Variants in PRORP observed in about 807,000 individuals in gnomAD.
PRORP encodes mitochondrial ribonuclease P catalytic subunit.
In PRORP, 51 loss-of-function variants were observed where a neutral mutation model predicts 59.4. That is an observed-to-expected ratio of 0.86 (90% CI 0.69 to 1.08). The LOEUF is 1.08. PRORP is among the 50% of genes least tolerant of loss of function. The pLI is 0.00. For missense variants in PRORP, 646 were observed against 690.3 expected, an observed-to-expected ratio of 0.94 and a Z score of 0.72; for synonymous variants, 231 against 245.6, an observed-to-expected ratio of 0.94 and a Z score of 0.55.
At chr14:35,237,880 T>G (rs1217367941) in intron 5 of PRORP, among the ~76,000 whole-genome samples, 1 of 151,714 alleles carries the variant, frequency 6.6e-6, no homozygotes, top group Non-Finnish European at 1.5e-5. Context: ...GGTCTTGATC[T>G]CCTGACCTTG....
intron 5 of PRORP, among the ~76,000 whole-genome samples, chr14:35,189,441 T>C (rs923725826): frequency 7.2e-5 from 11 of 152,000 alleles, no homozygotes; most frequent in African/African-American, 2.7e-4. Context: ...TTTTTTTTTT[T>C]TTTTTTAAAG....
chr14:35,181,028 T>G (rs1247445597), intron 5 of PRORP, among the ~76,000 whole-genome samples: 1 of 152,172 alleles, frequency 6.6e-6, no homozygotes, highest in African/African-American at 2.4e-5. Context: ...AGGGCCAGAT[T>G]TTCCCGTTTC....
intron 5 of PRORP, among the ~76,000 whole-genome samples, chr14:35,185,124 A>G (rs1211820294): frequency 2.0e-5 from 3 of 152,126 alleles, no homozygotes; most frequent in Admixed American, 1.3e-4. Flanking sequence ...GGTTAAACTC[A>G]TTTACACTCC....
chr14:35,257,074 C>T (rs1249552234), intron 5 of PRORP, among the ~76,000 whole-genome samples: 1 of 151,838 alleles, frequency 6.6e-6, no homozygotes, highest in Non-Finnish European at 1.5e-5. Context: ...TGGGTTCTAC[C>T]ATGTTAACCA....
At position 35,254,819 on chromosome 14, in the gene PRORP, C is replaced by T. The variant is rs147888654; in HGVS notation, c.1276-11908C>T. ...TTTCCAGTCTTATTTCTGGCACGTCCCATGTCATCCTCCCACACCTCTGCT... is the reference window on the plus strand; with the variant it reads ...TTTCCAGTCTTATTTCTGGCACGTCTCATGTCATCCTCCCACACCTCTGCT... On this transcript the variant is annotated intron_variant, in intron 5 of 7. Coordinates refer to ENST00000534898, the MANE Select transcript of PRORP (RefSeq NM_014672.4). 8.6e-3 allele frequency among the ~76,000 whole-genome samples: 1,308 copies of T among 152,230 alleles called. 12 individuals are homozygous for T. Among genetic ancestry groups the T allele is most frequent in the South Asian group, 0.014 (66 of 4,820 alleles).
At chr14:35,269,172 T>C (rs1245477563) in intron 6 of PRORP, among the ~76,000 whole-genome samples, 1 of 152,180 alleles carries the variant, frequency 6.6e-6, no homozygotes, top group Non-Finnish European at 1.5e-5. Flanking sequence ...CTTGTGTAAC[T>C]TTTATGGGGT....
intron 5 of PRORP, among the ~76,000 whole-genome samples, chr14:35,255,319 G>A (rs200472049): frequency 6.6e-6 from 1 of 151,674 alleles, no homozygotes; most frequent in African/African-American, 2.4e-5. Flanking sequence ...TAGTAGAGAC[G>A]GGGTTTCACC....
chr14:35,246,514 G>T (rs193088762), intron 5 of PRORP, among the ~76,000 whole-genome samples: 1 of 152,218 alleles, frequency 6.6e-6, no homozygotes, highest in Non-Finnish European at 1.5e-5. Context: ...AAATTGGGTT[G>T]GTTCTTAGCT....
chr14:35,203,757 G>A (rs1185302607), intron 5 of PRORP, among the ~76,000 whole-genome samples: 2 of 152,182 alleles, frequency 1.3e-5, no homozygotes, highest in East Asian at 3.9e-4. Flanking sequence ...CCAGCTACTC[G>A]GGAAGCTGAG....
At chr14:35,240,621 G>A (rs1039275418) in intron 5 of PRORP, among the ~76,000 whole-genome samples, 1 of 152,136 alleles carries the variant, frequency 6.6e-6, no homozygotes, top group Non-Finnish European at 1.5e-5. Flanking sequence ...CATATCAGAA[G>A]TTCATAGCAG....
chr14:35,247,554 T>TTC (rs939153039), intron 5 of PRORP, among the ~76,000 whole-genome samples: 7 of 152,160 alleles, frequency 4.6e-5, no homozygotes, highest in Non-Finnish European at 1.0e-4. Context: ...ATCTTACTCT[T>TTC]TCTCTTCTAG....
intron 4 of PRORP, among the ~76,000 whole-genome samples, chr14:35,132,082 G>A (rs2047256579): frequency 6.6e-6 from 1 of 151,150 alleles, no homozygotes; most frequent in South Asian, 2.1e-4. Flanking sequence ...GAGGTGATCC[G>A]TCCGCCTCGG....
intron 5 of PRORP, among the ~76,000 whole-genome samples, chr14:35,223,555 G>T (rs1285047932): frequency 6.7e-6 from 1 of 149,688 alleles, no homozygotes; most frequent in Admixed American, 6.7e-5. Context: ...TGCCTCCCAG[G>T]TTCAAGCAAT....
intron 4 of PRORP, among the ~76,000 whole-genome samples, chr14:35,172,715 A>G (rs191801690): frequency 1.3e-3 from 196 of 151,098 alleles, no homozygotes; most frequent in African/African-American, 4.4e-3. Flanking sequence ...ATGCCCAGCT[A>G]ATTTTTATTT....
At chr14:35,149,511 C>T (rs987429525) in intron 4 of PRORP, among the ~76,000 whole-genome samples, 19 of 152,176 alleles carry the variant, frequency 1.2e-4, no homozygotes, top group African/African-American at 3.6e-4. Context: ...CCATGACTGG[C>T]ACCTTGCATT....
At chr14:35,230,202 G>A (rs115900326) in intron 5 of PRORP, among the ~76,000 whole-genome samples, 1,554 of 151,988 alleles carry the variant, frequency 0.01, 29 homozygotes, top group African/African-American at 0.035. Flanking sequence ...ACAGGTATGC[G>A]CCATAACTCC....
Position 35,142,914 on chromosome 14 carries a change from C to T in PRORP, c.1167+15303C>T, listed in dbSNP as rs575460141. On this transcript the variant is annotated intron_variant, in intron 4 of 7. Coordinates refer to ENST00000534898, the MANE Select transcript of PRORP (RefSeq NM_014672.4). ...CAGGCTGGTCTTGATGCCCTGAGCT[C>T]AAGTGATCCTCTTGCCTTGGCTTCC... 5.5e-5 allele frequency among the ~76,000 whole-genome samples: 8 copies of T among 145,100 alleles called. 1 individual carries two copies. The highest frequency in any genetic ancestry group is 1.2e-4 in the Non-Finnish European group (8 of 65,386).
At chr14:35,225,951 C>T (rs1171985897) in intron 5 of PRORP, among the ~76,000 whole-genome samples, 4 of 152,100 alleles carry the variant, frequency 2.6e-5, no homozygotes, top group Non-Finnish European at 5.9e-5. Context: ...AATCACTTGC[C>T]TCTAGCCTAA....
rs1263482234 is a variant in PRORP, at chr14:35,139,489, A to G, written c.1167+11878A>G. 1.4e-5 allele frequency among the ~76,000 whole-genome samples: 2 copies of G among 145,272 alleles called. 1 individual carries two copies. On this transcript the variant is annotated intron_variant, in intron 4 of 7. Coordinates refer to ENST00000534898, the MANE Select transcript of PRORP (RefSeq NM_014672.4). The stretch of plus-strand genomic sequence containing the variant: ...CAACCACTATGGAATCATACAATAT[A>G]TACTTTTTTTTTTGGTCTGATTTGT...
Sources: allele counts gnomAD v4.1 joint callset (sites outside exome capture counted in the v4.1 genomes callset), GRCh38; gene constraint gnomAD v4.1.1; transcripts MANE v1.5; gene names NCBI Gene and HGNC (gene_info 2026-07-23, HGNC 2026-07-21).